The following GNG2 variants were observed in gnomAD, a reference collection of about 807,000 sequenced individuals.
GNG2 encodes G protein subunit gamma 2.
In GNG2, 5 loss-of-function variants were observed where a neutral mutation model predicts 5.5. That is an observed-to-expected ratio of 0.91 (90% CI 0.48 to 1.92). GNG2 has a LOEUF of 1.92. Among genes scored for constraint, GNG2 ranks in the 30% most tolerant of loss-of-function variants. The pLI, the probability that GNG2 is intolerant of heterozygous loss-of-function variation, is 0.01. For missense variants in GNG2, 55 were observed against 88.4 expected, an observed-to-expected ratio of 0.62 and a Z score of 1.52; for synonymous variants, 28 against 32.0, an observed-to-expected ratio of 0.88 and a Z score of 0.42.
chr14:51,958,876 A>T (rs892770692), intron 3 of GNG2, among the ~76,000 whole-genome samples: 5 of 152,264 alleles, frequency 3.3e-5, no homozygotes, highest in African/African-American at 1.2e-4. Flanking sequence ...ATTTACTCTT[A>T]CACCCATTCC....
At chr14:51,873,250 C>A (rs1228557727) in intron 1 of GNG2, among the ~76,000 whole-genome samples, 4 of 152,150 alleles carry the variant, frequency 2.6e-5, no homozygotes, top group African/African-American at 9.7e-5. Context: ...TATAAACCAG[C>A]CAGAAACCTG....
intron 2 of GNG2, among the ~76,000 whole-genome samples, chr14:51,884,042 G>A (rs1189972585): frequency 1.3e-5 from 2 of 152,060 alleles, no homozygotes; most frequent in East Asian, 1.9e-4. Flanking sequence ...GTGCCTAGAG[G>A]TAACCACTGT....
chr14:51,939,569 G>T (rs1487391421), intron 2 of GNG2, among the ~76,000 whole-genome samples: 1 of 152,204 alleles, frequency 6.6e-6, no homozygotes, highest in Non-Finnish European at 1.5e-5. Flanking sequence ...TGATTTGAGG[G>T]AAGAAATACG....
chr14:51,937,013 A>G (rs951738329), intron 2 of GNG2, among the ~76,000 whole-genome samples: 2 of 152,270 alleles, frequency 1.3e-5, no homozygotes, highest in African/African-American at 4.8e-5. Context: ...CCCACAACCC[A>G]GGGTATTTCT....
chr14:51,894,848 T>C (rs1248279813), intron 2 of GNG2, among the ~76,000 whole-genome samples: 10 of 152,122 alleles, frequency 6.6e-5, no homozygotes, highest in African/African-American at 2.4e-4. Flanking sequence ...CTGTTGCTTC[T>C]GGGAAATTAA....
intron 2 of GNG2, among the ~76,000 whole-genome samples, chr14:51,880,967 G>GAAAAAAAAAAAAAAAAAAAAAAAA (rs11463019): frequency 9.8e-6 from 1 of 101,978 alleles, no homozygotes; most frequent in Non-Finnish European, 1.9e-5. Flanking sequence ...CAAAAAAAAA[G>GAAAAAAAAAAAAAAAAAAAAAAAA]AAAAAAAAAA....
chr14:51,963,032 T>C (rs541750032), intron 3 of GNG2, among the ~76,000 whole-genome samples: 1 of 152,140 alleles, frequency 6.6e-6, no homozygotes, highest in Non-Finnish European at 1.5e-5. Context: ...ACCCATAATG[T>C]TGTTGTAAGG....
At chr14:51,954,577 G>A (rs1170704449) in intron 3 of GNG2, among the ~76,000 whole-genome samples, 2 of 152,174 alleles carry the variant, frequency 1.3e-5, no homozygotes, top group Non-Finnish European at 2.9e-5. Context: ...AAGAGGTACT[G>A]ATTATAAAAG....
At chr14:51,919,208 ACT>A (rs1220905413) in intron 2 of GNG2, among the ~76,000 whole-genome samples, 8 of 152,094 alleles carry the variant, frequency 5.3e-5, no homozygotes, top group Admixed American at 1.3e-4. Context: ...ATTAATTTAA[ACT>A]CTATTAATTC....
chr14:51,958,439 TCC>T lies in GNG2; in HGVS notation c.87+7683_87+7684del, dbSNP rs11301974. ...ATCAGTCTGTCTCTCTCTCTTCCGT[TCC>T]CCCCCCCCATTTATATTTCTTTCTA... On this transcript the variant is annotated intron_variant, in intron 3 of 3. Coordinates refer to ENST00000556766, the MANE Select transcript of GNG2 (RefSeq NM_053064.5). 7.8e-4 allele frequency among the ~76,000 whole-genome samples: 103 copies of T among 132,582 alleles called. 1 individual carries two copies. Among genetic ancestry groups the T allele is most frequent in the Admixed American group, 4.7e-3 (59 of 12,602 alleles). The allele number at this position is 132,582 out of a possible 152,430, so 87.0% of individuals were successfully genotyped here.
chr14:51,841,876 G>A (rs751043094), intron 2 of GNG2, among the ~76,000 whole-genome samples: 2 of 152,094 alleles, frequency 1.3e-5, no homozygotes, highest in African/African-American at 2.4e-5. Context: ...CCAATAGACT[G>A]CATGAAAATT....
chr14:51,877,257 G>A (rs1883739496), intron 1 of GNG2, among the ~76,000 whole-genome samples: 1 of 152,150 alleles, frequency 6.6e-6, no homozygotes, highest in South Asian at 2.1e-4. Flanking sequence ...ATTAGATTAG[G>A]TCAGGAGGAA....
rs184426864 is a variant in GNG2 at position 51,912,329 on chromosome 14, C to T, written c.-30+34672C>T. On this transcript the variant is annotated intron_variant, in intron 2 of 3. Transcript: ENST00000556766. The stretch of plus-strand genomic sequence containing the variant: ...GTACCTTAGGCAGGACTGTGAGCTG[C>T]TCCCATCTTCTATCCCCACACCCCA... Among the ~76,000 whole-genome samples the T allele has an allele frequency of 5.3e-5, 8 of 152,268 alleles. No homozygotes were observed. The East Asian group carries it at 1.2e-3, about 22-fold the overall frequency.
chr14:51,840,102 G>A (rs74049457), intron 2 of GNG2, among the ~76,000 whole-genome samples: 3,647 of 152,274 alleles, frequency 0.024, 139 homozygotes, highest in African/African-American at 0.083. Flanking sequence ...TGTAAGAATG[G>A]CAGAGGTGAG....
chr14:51,943,283 T>C (rs74051358), intron 2 of GNG2, among the ~76,000 whole-genome samples: 2,789 of 152,310 alleles, frequency 0.018, 99 homozygotes, highest in African/African-American at 0.063. Context: ...CTTTAAGAGG[T>C]ATGTATGTTT....
chr14:51,910,628 A>G (rs1229759109), intron 2 of GNG2, among the ~76,000 whole-genome samples: 1 of 152,154 alleles, frequency 6.6e-6, no homozygotes, highest in Non-Finnish European at 1.5e-5. Context: ...GCTGTGCCCC[A>G]TCTTTGCACA....
At chr14:51,887,415 A>G (rs2140153011) in intron 2 of GNG2, among the ~76,000 whole-genome samples, 1 of 152,316 alleles carries the variant, frequency 6.6e-6, no homozygotes, top group Admixed American at 6.5e-5. Flanking sequence ...CCCAGGGACC[A>G]GGATTACTTG....
chr14:51,920,015 C>A (rs749560181), intron 2 of GNG2, among the ~76,000 whole-genome samples: 4 of 152,124 alleles, frequency 2.6e-5, no homozygotes, highest in Non-Finnish European at 5.9e-5. Context: ...TCTAGGAACC[C>A]CCTTGGAGAC....
chr14:51,831,302 T>C (rs532112734), intron 2 of GNG2, among the ~76,000 whole-genome samples: 125 of 152,352 alleles, frequency 8.2e-4, no homozygotes, highest in Non-Finnish European at 1.5e-3. Context: ...TATTTGTTTG[T>C]TTATTACATG....
Sources: gnomAD v4.1 joint callset for allele counts (sites outside exome capture counted in the v4.1 genomes callset) on GRCh38, gnomAD v4.1.1 for gene constraint, MANE v1.5 for transcripts, NCBI Gene and HGNC (gene_info 2026-07-23, HGNC 2026-07-21) for gene names.